The following STXBP3 variants were observed in gnomAD, a reference collection of about 807,000 sequenced individuals.
The protein encoded by STXBP3 is syntaxin-binding protein 3.
A neutral mutation model predicts 85.7 loss-of-function variants in STXBP3; 41 were observed. That is an observed-to-expected ratio of 0.48 (90% CI 0.37 to 0.62). The LOEUF (loss-of-function observed/expected upper bound fraction) is 0.62. Ranked by LOEUF, STXBP3 falls within the 20% of genes least tolerant of loss-of-function variation. The pLI is 0.00. For missense variants in STXBP3, 563 were observed against 703.1 expected, an observed-to-expected ratio of 0.80 and a Z score of 2.25; for synonymous variants, 229 against 231.7, an observed-to-expected ratio of 0.99 and a Z score of 0.10.
intron 9 of STXBP3, chr1:108,781,232 A>G: frequency 6.6e-6 from 1 of 152,228 alleles, no homozygotes; most frequent in East Asian, 1.9e-4. Flanking sequence ...TGTAATCCAC[A>G]CAGGTGGATG....
chr1:108,747,473 C>T (rs1661816091), intron 1 of STXBP3, among the ~76,000 whole-genome samples: 1 of 152,178 alleles, frequency 6.6e-6, no homozygotes, highest in South Asian at 2.1e-4. Context: ...GACCGGACTC[C>T]TTATTGGTTA....
At chr1:108,759,887 C>A in intron 5 of STXBP3, 98 bp from the exon 6 acceptor site, 1 of 721,190 alleles carries the variant, frequency 1.4e-6, no homozygotes, top group Non-Finnish European at 2.4e-6. Flanking sequence ...CTGTGAAAGC[C>A]AGTAATTATG....
intron 6 of STXBP3, among the ~76,000 whole-genome samples, chr1:108,769,471 C>T (rs1662336373): frequency 6.6e-6 from 1 of 152,090 alleles, no homozygotes; most frequent in African/African-American, 2.4e-5. Context: ...TTAGTGAGTA[C>T]AGAGAGTCTG....
At chr1:108,763,499 A>G (rs1297348793) in intron 6 of STXBP3, among the ~76,000 whole-genome samples, 2 of 152,190 alleles carry the variant, frequency 1.3e-5, no homozygotes, top group Non-Finnish European at 2.9e-5. Flanking sequence ...AATACGAAAA[A>G]CAGATAAGGC....
rs377217237 is a variant in STXBP3 at position 108,772,761 on chromosome 1, G to A, written c.535G>A (p.Asp179Asn). The A allele has an allele frequency of 1.4e-4, 226 of 1,605,514 alleles. 4 individuals are homozygous for A. In the South Asian group the frequency reaches 2.4e-3, roughly 17 times the overall value. ...GKDAIMETMA[D>N]QIVTVCATLD... ...AGATGCCATTATGGAAACAATGGCT[G>A]ACCAGATAGTTACAGTGTGTGCCAC... Residue 179 changes from aspartate to asparagine, a missense_variant, in exon 7 of 19, where the codon GAC (aspartate) becomes AAC (asparagine). Physicochemically the swap from Asp to Asn is conservative, Grantham distance 23. Around this residue, in one of 3 missense-constraint regions of STXBP3, gnomAD observed 494 missense variants for 592.8 expected, o/e 0.83. Transcript: ENST00000370008.
intron 13 of STXBP3, among the ~76,000 whole-genome samples, chr1:108,795,486 C>T (rs2101132429): frequency 6.7e-6 from 1 of 148,268 alleles, no homozygotes; most frequent in South Asian, 2.1e-4. Context: ...AAGACCCTGT[C>T]TCTTTAAAAA....
In STXBP3 at chr1:108,746,723, C is replaced by A. The variant is rs374193733; in HGVS notation, c.-15C>A. ...GAGTGGAAGGTGGTGGCTGCTGCTC[C>A]GCAGTGTCGGGAAGATGGCGCCGCC... On this transcript the variant is annotated 5_prime_UTR_variant, in exon 1 of 19. Coordinates refer to ENST00000370008, the MANE Select transcript of STXBP3 (RefSeq NM_007269.4). 3 of 1,548,798 alleles carry A rather than the reference C, an allele frequency of 1.9e-6. No individual in the cohort carries two copies. Among genetic ancestry groups the A allele is most frequent in the Non-Finnish European group, 2.6e-6 (3 of 1,145,820 alleles).
chr1:108,754,171 TA>T (rs1445604610), intron 3 of STXBP3, among the ~76,000 whole-genome samples: 2 of 151,892 alleles, frequency 1.3e-5, no homozygotes, highest in African/African-American at 4.8e-5. Context: ...TAGCTGGGAC[TA>T]CAGGCACACA....
chr1:108,759,964 T>C, intron 5 of STXBP3, 21 bp from the exon 6 acceptor site: 1 of 1,425,900 alleles, frequency 7.0e-7, no homozygotes, highest in South Asian at 1.3e-5. Flanking sequence ...AACTATATGC[T>C]TTGTTTTTTT....
In STXBP3 at chr1:108,794,917, G is replaced by C; in HGVS notation, c.1110+10G>C. On this transcript the variant is annotated intron_variant, in intron 13 of 18. Transcript: ENST00000370008. The stretch of plus-strand genomic sequence containing the variant: ...CTGCAAAACTGAACAGGTATGTGCA[G>C]AGTCAGAAATGCCTCTGTTCATAAC... 1 of 1,592,672 alleles carries C rather than the reference G, an allele frequency of 6.3e-7. No individual in the cohort carries two copies. Among genetic ancestry groups the C allele is most frequent in the South Asian group, 1.1e-5 (1 of 88,438 alleles).
At chr1:108,798,363 C>G (rs1400146937) in intron 16 of STXBP3, 126 bp downstream of exon 16, 7 of 379,912 alleles carry the variant, frequency 1.8e-5, no homozygotes, top group African/African-American at 1.3e-4. Flanking sequence ...TTGGAGGCTT[C>G]ACAAAAAAGC....
chr1:108,788,821 G>A (rs1662913202), intron 11 of STXBP3, among the ~76,000 whole-genome samples: 1 of 152,032 alleles, frequency 6.6e-6, no homozygotes, highest in Non-Finnish European at 1.5e-5. Context: ...CAGCACTTGG[G>A]GAGGCCAAGG....
At chr1:108,750,987 G>A (rs79968038) in intron 1 of STXBP3, among the ~76,000 whole-genome samples, 3,589 of 152,316 alleles carry the variant, frequency 0.024, 157 homozygotes, top group African/African-American at 0.081. Context: ...ACATGGAGTT[G>A]GGTGTCTCAC....
At chr1:108,756,860 T>C (rs925106424) in intron 4 of STXBP3, 94 bp downstream of exon 4, 18 of 900,560 alleles carry the variant, frequency 2.0e-5, no homozygotes, top group African/African-American at 1.4e-4. Flanking sequence ...AAGTACACTT[T>C]AGTAGAAAAA....
At chr1:108,805,288 C>A (rs1663304557) in intron 17 of STXBP3, among the ~76,000 whole-genome samples, 1 of 151,862 alleles carries the variant, frequency 6.6e-6, no homozygotes, top group African/African-American at 2.4e-5. Flanking sequence ...AAGAGTGGGT[C>A]TTGTTCCTGT....
At chr1:108,783,858 A>G (rs189516414) in intron 11 of STXBP3, among the ~76,000 whole-genome samples, 1 of 152,260 alleles carries the variant, frequency 6.6e-6, no homozygotes, top group African/African-American at 2.4e-5. Context: ...TTAAAATTTC[A>G]TTGCACGAGA....
At chr1:108,796,876 TC>T in intron 15 of STXBP3, 150 bp downstream of exon 15, 1 of 524,944 alleles carries the variant, frequency 1.9e-6, no homozygotes. Flanking sequence ...TGTTCTCTTT[TC>T]CATATGTAAT....
chr1:108,770,209 C>T (rs1042153005), intron 6 of STXBP3, among the ~76,000 whole-genome samples: 8 of 151,936 alleles, frequency 5.3e-5, no homozygotes, highest in Admixed American at 5.2e-4. Context: ...AATTGAGGAT[C>T]GCTTGAGCCC....
intron 17 of STXBP3, among the ~76,000 whole-genome samples, chr1:108,803,093 G>T (rs1759489): frequency 0.27 from 41,594 of 152,060 alleles, 6,722 homozygotes; most frequent in East Asian, 0.77. Flanking sequence ...TTGGACTGAG[G>T]ACTTTTCTTT....
Sources: gnomAD v4.1 joint callset for allele counts (sites outside exome capture counted in the v4.1 genomes callset) on GRCh38, gnomAD v4.1.1 for gene constraint, gnomAD v4.1.1 regional missense constraint, MANE v1.5 for transcripts, NCBI Gene and HGNC (gene_info 2026-07-23, HGNC 2026-07-21) for gene names.